Variants in TENM2 observed in about 807,000 individuals in gnomAD.
The protein encoded by TENM2 is teneurin-2.
A neutral mutation model predicts 245.2 loss-of-function variants in TENM2; 52 were observed. That is an observed-to-expected ratio of 0.21 (90% CI 0.17 to 0.27). The LOEUF (loss-of-function observed/expected upper bound fraction) is 0.27. TENM2 is among the 10% of genes least tolerant of loss of function. The pLI, the probability that TENM2 is intolerant of heterozygous loss-of-function variation, is 1.00. For missense variants in TENM2, 3,046 were observed against 3,666.8 expected (o/e 0.83, Z 4.37); for synonymous variants, 1,363 against 1,438.9 (o/e 0.95, Z 1.19).
chr5:168,113,243 C>G (rs906236406), intron 9 of TENM2, among the ~76,000 whole-genome samples: 1 of 152,038 alleles, frequency 6.6e-6, no homozygotes, highest in Non-Finnish European at 1.5e-5. Flanking sequence ...TTGCTTGAGT[C>G]AGGGAGGTAG....
chr5:167,611,459 G>T (rs554508952), intron 2 of TENM2, among the ~76,000 whole-genome samples: 1 of 152,138 alleles, frequency 6.6e-6, no homozygotes, highest in Admixed American at 6.5e-5. Context: ...GCATCCCTCC[G>T]TGGACCCCAA....
At chr5:167,002,764 CTCTG>C in the TENM2 span, among the ~76,000 whole-genome samples, 4 of 151,732 alleles carry the variant, frequency 2.6e-5, no homozygotes, top group Admixed American at 2.0e-4. Flanking sequence ...CAAAGTGAGA[CTCTG>C]TCTGTAAATA....
chr5:167,288,538 G>A (rs1385747236), intron 1 of TENM2, among the ~76,000 whole-genome samples: 5 of 143,570 alleles, frequency 3.5e-5, no homozygotes, highest in African/African-American at 5.3e-5. Context: ...CAGCCTGGGC[G>A]ACAGAGCGAG....
At chr5:167,127,637 A>C in the TENM2 span, among the ~76,000 whole-genome samples, 1 of 151,174 alleles carries the variant, frequency 6.6e-6, no homozygotes, top group Non-Finnish European at 1.5e-5. Flanking sequence ...TTAAAAAAAA[A>C]AAAGGAAAAG....
chr5:168,148,342 A>G (rs534739960), intron 12 of TENM2, among the ~76,000 whole-genome samples: 6 of 152,370 alleles, frequency 3.9e-5, no homozygotes, highest in African/African-American at 1.4e-4. Context: ...TAACAAAAGC[A>G]TAGGCCAGAT....
intron 1 of TENM2, among the ~76,000 whole-genome samples, chr5:167,362,718 A>G (rs1382278853): frequency 1.3e-5 from 2 of 152,242 alleles, no homozygotes; most frequent in Non-Finnish European, 2.9e-5. Context: ...AAGATATTGC[A>G]TTACTTAATG....
At chr5:167,650,254 T>C (rs1219536006) in intron 2 of TENM2, among the ~76,000 whole-genome samples, 1 of 152,218 alleles carries the variant, frequency 6.6e-6, no homozygotes, top group African/African-American at 2.4e-5. Context: ...TTTAGCATAC[T>C]TTGTTCTTTA....
intron 9 of TENM2, among the ~76,000 whole-genome samples, chr5:168,098,423 A>G (rs773894193): frequency 1.2e-4 from 18 of 152,220 alleles, no homozygotes; most frequent in African/African-American, 4.3e-4. Context: ...GTGAATTACC[A>G]TCACTCCTTT....
the TENM2 span, among the ~76,000 whole-genome samples, chr5:167,116,052 A>G: frequency 6.6e-6 from 1 of 152,222 alleles, no homozygotes; most frequent in African/African-American, 2.4e-5. Flanking sequence ...CTCTCTGAGA[A>G]TGTTTATTTC....
intron 2 of TENM2, among the ~76,000 whole-genome samples, chr5:167,846,543 C>T (rs1770056465): frequency 6.6e-6 from 1 of 152,150 alleles, no homozygotes; most frequent in Non-Finnish European, 1.5e-5. Context: ...TTAGAATGCT[C>T]AGGTGTTGTT....
At chr5:167,365,641 A>C (rs1760004817) in intron 1 of TENM2, among the ~76,000 whole-genome samples, 1 of 152,038 alleles carries the variant, frequency 6.6e-6, no homozygotes, top group South Asian at 2.1e-4. Context: ...TGTAAAACAC[A>C]ATTAATATTA....
At chr5:167,848,925 GT>G (rs561513943) in intron 2 of TENM2, among the ~76,000 whole-genome samples, 2 of 151,962 alleles carry the variant, frequency 1.3e-5, no homozygotes, top group African/African-American at 4.8e-5. Flanking sequence ...TGTTTTTTGG[GT>G]TTTTTTGGCC....
chr5:168,024,423 T>C (rs1786429190), intron 5 of TENM2, among the ~76,000 whole-genome samples: 1 of 152,194 alleles, frequency 6.6e-6, no homozygotes, highest in South Asian at 2.1e-4. Context: ...GAAATCTCAA[T>C]AATAACTTTC....
intron 12 of TENM2, among the ~76,000 whole-genome samples, chr5:168,148,920 T>TAGA (rs55919816): frequency 1.7e-4 from 23 of 134,180 alleles, no homozygotes; most frequent in South Asian, 4.5e-4. Flanking sequence ...GATAGATAGA[T>TAGA]TGATAGATAG....
the TENM2 span, among the ~76,000 whole-genome samples, chr5:167,013,624 T>C: frequency 6.6e-6 from 1 of 152,088 alleles, no homozygotes. Context: ...GGAGAATTGC[T>C]TGAACCCAGA....
At chr5:168,081,196 T>G (rs1047283313) in intron 7 of TENM2, among the ~76,000 whole-genome samples, 1 of 152,214 alleles carries the variant, frequency 6.6e-6, no homozygotes, top group Admixed American at 6.5e-5. Context: ...TGGCCTTCTT[T>G]GTCTCTTTTG....
chr5:167,961,974 A>C (rs1283766134), intron 4 of TENM2, among the ~76,000 whole-genome samples: 1 of 152,212 alleles, frequency 6.6e-6, no homozygotes, highest in East Asian at 1.9e-4. Context: ...GAAACACATA[A>C]ACATATCTCC....
intron 7 of TENM2, 131 bp downstream of exon 9, chr5:168,062,396 A>C (rs1461318693): frequency 1.3e-6 from 1 of 748,212 alleles, no homozygotes; most frequent in Non-Finnish European, 2.1e-6. Context: ...TGTTGGCGAG[A>C]ATTTGGAGAA....
intron 2 of TENM2, among the ~76,000 whole-genome samples, chr5:167,782,849 G>A (rs184062123): frequency 1.3e-5 from 2 of 152,180 alleles, no homozygotes; most frequent in African/African-American, 4.8e-5. Flanking sequence ...AAAAGCAAAT[G>A]TAGGTGAGAC....
Sources: allele counts gnomAD v4.1 joint callset (sites outside exome capture counted in the v4.1 genomes callset), GRCh38; gene constraint gnomAD v4.1.1; transcripts MANE v1.5; gene names NCBI Gene and HGNC (gene_info 2026-07-23, HGNC 2026-07-21).